PLXDC2: variants seen among roughly 807,000 people sequenced by gnomAD.
PLXDC2 encodes plexin domain-containing protein 2.
In PLXDC2, 40 loss-of-function variants were observed where a neutral mutation model predicts 68.9. The ratio of observed to expected loss-of-function variants is 0.58; its 90% CI spans 0.45 to 0.76. PLXDC2 has a LOEUF of 0.76. Among genes scored for constraint, PLXDC2 ranks in the 30% least tolerant of loss-of-function variants. The probability of loss-of-function intolerance (pLI) is 0.00; values close to 1 mark genes in which losing one functional copy is unlikely to be tolerated. For synonymous variants in PLXDC2, 243 were observed against 234.2 expected (o/e 1.04, Z -0.34); for missense variants, 644 against 661.9 (o/e 0.97, Z 0.30).
At chr10:20,126,401 A>ATACATATGTGT (rs1236200727) in intron 4 of PLXDC2, among the ~76,000 whole-genome samples, 2 of 142,850 alleles carry the variant, frequency 1.4e-5, no homozygotes, top group African/African-American at 5.3e-5. Context: ...TAATACATAT[A>ATACATATGTGT]TGTATATACA....
Position 20,125,585 on chromosome 10 carries a change from T to A in PLXDC2, c.542-17710T>A, listed in dbSNP as rs77360882. On this transcript the variant is annotated intron_variant, in intron 4 of 13. Transcript: ENST00000377252. Reference sequence around the variant, plus strand: ...TGGAAATATCACAGAGGTTTGAGCCTGACCATAGGACTGCAAAGATCAAGA... The same window carrying A: ...TGGAAATATCACAGAGGTTTGAGCCAGACCATAGGACTGCAAAGATCAAGA... Among the ~76,000 whole-genome samples the A allele has an allele frequency of 2.4e-3, 367 of 152,272 alleles. 2 individuals carry two copies. In the East Asian group the frequency reaches 0.029, roughly 12 times the overall value.
intron 13 of PLXDC2, among the ~76,000 whole-genome samples, chr10:20,257,024 GA>G (rs1262834636): frequency 6.6e-6 from 1 of 152,168 alleles, no homozygotes; most frequent in Non-Finnish European, 1.5e-5. Context: ...GAACAGTAAA[GA>G]CAAAACTTAG....
At chr10:19,933,824 GGGAAGGAAGGAAGGAGGGGA>G (rs1305047651) in intron 1 of PLXDC2, among the ~76,000 whole-genome samples, 2 of 135,708 alleles carry the variant, frequency 1.5e-5, no homozygotes, top group East Asian at 2.5e-4. Context: ...AAAGGAAGGA[GGGAAGGAAGGAAGGAGGGGA>G]GGAAGGAAGG....
intron 1 of PLXDC2, among the ~76,000 whole-genome samples, chr10:19,838,267 T>C (rs769778432): frequency 1.3e-5 from 2 of 152,210 alleles, no homozygotes; most frequent in African/African-American, 2.4e-5. Context: ...CCGGCTAATA[T>C]ATAACTTTAA....
At chr10:20,007,487 G>A (rs1246589555) in intron 2 of PLXDC2, among the ~76,000 whole-genome samples, 2 of 152,194 alleles carry the variant, frequency 1.3e-5, no homozygotes, top group African/African-American at 4.8e-5. Context: ...CATTGAAAGT[G>A]TTTATTAAAA....
intron 1 of PLXDC2, among the ~76,000 whole-genome samples, chr10:19,906,593 G>A (rs999006881): frequency 6.6e-6 from 1 of 152,130 alleles, no homozygotes; most frequent in Non-Finnish European, 1.5e-5. Flanking sequence ...GGTTAGGGGT[G>A]TGGGTCATGG....
At chr10:19,921,003 C>G (rs113209849) in intron 1 of PLXDC2, among the ~76,000 whole-genome samples, 3,567 of 151,954 alleles carry the variant, frequency 0.023, 136 homozygotes, top group African/African-American at 0.081. Flanking sequence ...TCATAGCTCA[C>G]TGAAGCCTTG....
intron 4 of PLXDC2, among the ~76,000 whole-genome samples, chr10:20,100,392 A>G (rs1564315121): frequency 6.6e-6 from 1 of 152,168 alleles, no homozygotes; most frequent in African/African-American, 2.4e-5. Context: ...TGGTGTTTCC[A>G]TGGTAACATA....
intron 1 of PLXDC2, among the ~76,000 whole-genome samples, chr10:19,980,824 C>T (rs1176919145): frequency 3.9e-5 from 6 of 152,122 alleles, no homozygotes; most frequent in African/African-American, 1.4e-4. Context: ...CCAAATATAG[C>T]CAAACTGGGT....
intron 12 of PLXDC2, among the ~76,000 whole-genome samples, chr10:20,236,810 A>G (rs1366994918): frequency 6.6e-6 from 1 of 152,118 alleles, no homozygotes; most frequent in South Asian, 2.1e-4. Flanking sequence ...CTTTCCCTTT[A>G]AGATATCTGC....
At position 20,285,458 on chromosome 10, in the gene PLXDC2, C is replaced by CT. The variant is rs1836140849; in HGVS notation, c.*5640dup. ...ACAAGTAGATAGGATCAACAATACTCTATCAATTTTCAACTCCAATTTTCT... is the reference window on the plus strand; with the variant it reads ...ACAAGTAGATAGGATCAACAATACTCTTATCAATTTTCAACTCCAATTTTCT... On this transcript the variant is annotated 3_prime_UTR_variant, in exon 14 of 14. Transcript: ENST00000377252. 6.6e-6 allele frequency: 1 copy of CT among 152,168 alleles called. No individual in the cohort carries two copies. Among genetic ancestry groups the CT allele is most frequent in the Non-Finnish European group, 1.5e-5 (1 of 68,028 alleles). 9.4% of individuals were successfully genotyped at this position (152,168 alleles called of 1,614,324 possible). A position where few individuals can be genotyped will look rare whatever the true frequency, so the allele number is the denominator to read the frequency against.
intron 4 of PLXDC2, among the ~76,000 whole-genome samples, chr10:20,122,540 C>A (rs1219018799): frequency 6.6e-6 from 1 of 152,168 alleles, no homozygotes; most frequent in Non-Finnish European, 1.5e-5. Flanking sequence ...CAGTGGAGTC[C>A]CGCACAGATG....
At chr10:19,996,432 A>T (rs1834843849) in intron 1 of PLXDC2, among the ~76,000 whole-genome samples, 1 of 152,116 alleles carries the variant, frequency 6.6e-6, no homozygotes, top group African/African-American at 2.4e-5. Flanking sequence ...AAATAAAATT[A>T]AAAATTAGCT....
chr10:20,028,315 T>C (rs942129484), intron 2 of PLXDC2, among the ~76,000 whole-genome samples: 1 of 152,200 alleles, frequency 6.6e-6, no homozygotes, highest in Non-Finnish European at 1.5e-5. Context: ...GAATCACTGC[T>C]CTAGTTCAAA....
At chr10:19,824,880 T>TA (rs1367367675) in intron 1 of PLXDC2, among the ~76,000 whole-genome samples, 1 of 152,224 alleles carries the variant, frequency 6.6e-6, no homozygotes, top group African/African-American at 2.4e-5. Flanking sequence ...TTTGTATATT[T>TA]AAATAGAATT....
intron 4 of PLXDC2, among the ~76,000 whole-genome samples, chr10:20,098,304 A>G (rs1330035997): frequency 1.3e-5 from 2 of 149,870 alleles, no homozygotes. Context: ...AATCCTCAAG[A>G]CCTGTATCTT....
At chr10:19,916,118 G>C (rs1483543002) in intron 1 of PLXDC2, among the ~76,000 whole-genome samples, 2 of 147,704 alleles carry the variant, frequency 1.4e-5, no homozygotes, top group South Asian at 4.2e-4. Flanking sequence ...TTATGTGGAG[G>C]GAGTTGTGTT....
intron 1 of PLXDC2, among the ~76,000 whole-genome samples, chr10:19,881,715 T>C (rs999459850): frequency 2.0e-5 from 3 of 152,238 alleles, no homozygotes; most frequent in Admixed American, 6.5e-5. Flanking sequence ...ATGACAGTAC[T>C]AAATAAAATT....
chr10:20,176,398 G>GTGTGTGTT (rs1212482133), intron 7 of PLXDC2, among the ~76,000 whole-genome samples: 1 of 151,660 alleles, frequency 6.6e-6, no homozygotes, highest in African/African-American at 2.4e-5. Flanking sequence ...TTATGTGTGT[G>GTGTGTGTT]TGTGTGTGTG....
Sources: allele counts gnomAD v4.1 joint callset (sites outside exome capture counted in the v4.1 genomes callset), GRCh38; gene constraint gnomAD v4.1.1; transcripts MANE v1.5; gene names NCBI Gene and HGNC (gene_info 2026-07-23, HGNC 2026-07-21).